FYB1: variants seen among roughly 807,000 people sequenced by gnomAD.
FYB1 encodes the protein FYN binding protein 1, also known as FYN-binding protein 1.
A neutral mutation model predicts 94.1 loss-of-function variants in FYB1; 41 were observed. The ratio of observed to expected loss-of-function variants is 0.44; its 90% CI spans 0.34 to 0.57. The LOEUF is 0.57. Ranked by LOEUF, FYB1 falls within the 20% of genes least tolerant of loss-of-function variation. The pLI, the probability that FYB1 is intolerant of heterozygous loss-of-function variation, is 0.02. For missense variants in FYB1, 1,050 were observed against 976.8 expected, an observed-to-expected ratio of 1.07 and a Z score of -1.00; for synonymous variants, 367 against 353.2, an observed-to-expected ratio of 1.04 and a Z score of -0.44.
chr5:39,232,513 TA>T, intron 1 of FYB1, among the ~76,000 whole-genome samples: 1 of 149,646 alleles, frequency 6.7e-6, no homozygotes, highest in East Asian at 2.0e-4. Flanking sequence ...CATTTTAGCA[TA>T]AACATTTATT....
intron 2 of FYB1, among the ~76,000 whole-genome samples, chr5:39,189,635 G>T (rs991319116): frequency 6.6e-6 from 1 of 152,038 alleles, no homozygotes; most frequent in African/African-American, 2.4e-5. Context: ...GGAAGGATGG[G>T]TCAAAGAAAT....
At chr5:39,255,351 C>T (rs1456240163) in intron 1 of FYB1, among the ~76,000 whole-genome samples, 2 of 151,810 alleles carry the variant, frequency 1.3e-5, no homozygotes, top group Admixed American at 6.6e-5. Flanking sequence ...TTAACACCAA[C>T]GTACTGCCAC....
chr5:39,193,989 G>A (rs1747598390), intron 2 of FYB1, among the ~76,000 whole-genome samples: 1 of 152,166 alleles, frequency 6.6e-6, no homozygotes, highest in African/African-American at 2.4e-5. Flanking sequence ...AAGAACTAGT[G>A]TGACCCCTAT....
intron 16 of FYB1, 62 bp downstream of exon 16, chr5:39,118,812 T>G: frequency 1.8e-6 from 2 of 1,084,990 alleles, no homozygotes; most frequent in Non-Finnish European, 2.5e-6. Flanking sequence ...TAAAACTTGT[T>G]TGGTTGTTAA....
rs1247695141 is a variant in FYB1, at chr5:39,202,876, A to G, written c.85T>C (p.Ser29Pro). The change falls in exon 2 of 19, where the codon TCT (serine) becomes CCT (proline). Residue 29 changes from serine to proline, a missense_variant. Coordinates refer to ENST00000512982, the MANE Select transcript of FYB1 (RefSeq NM_001465.6). ...TTCTTTCTTGCTTGTATTCCTGAAG[A>G]TGAGTTTGGCCCTGTGACTCTGAAG... ...RPFRVTGPNS[S>P]SGIQARKNLF... 1 of 1,613,768 alleles carries G rather than the reference A, an allele frequency of 6.2e-7. No homozygotes were observed. Among genetic ancestry groups the G allele is most frequent in the Non-Finnish European group, 8.5e-7 (1 of 1,179,886 alleles).
At chr5:39,248,751 C>T (rs960390718) in intron 1 of FYB1, among the ~76,000 whole-genome samples, 9 of 152,070 alleles carry the variant, frequency 5.9e-5, no homozygotes, top group Non-Finnish European at 1.2e-4. Flanking sequence ...ACAGGAGAAT[C>T]GCTTGAACCA....
In FYB1 at chr5:39,163,918, A is replaced by G. The variant is rs542931377; in HGVS notation, c.1136-10314T>C. On this transcript the variant is annotated intron_variant, in intron 2 of 18. Coordinates refer to ENST00000512982, the MANE Select transcript of FYB1 (RefSeq NM_001465.6). ...TAACTTCTATAGGAGCAAAGAAAGC[A>G]CTAGAAATCAAGTTTTAGAAACATC... 1.4e-4 allele frequency among the ~76,000 whole-genome samples: 22 copies of G among 152,370 alleles called. No homozygotes were observed. In the South Asian group the frequency reaches 4.1e-3, roughly 29 times the overall value.
At chr5:39,232,980 G>A (rs111303772) in intron 1 of FYB1, among the ~76,000 whole-genome samples, 1,526 of 152,110 alleles carry the variant, frequency 0.01, 20 homozygotes, top group African/African-American at 0.032. Context: ...TTGGACATGT[G>A]GGTTGGTTCC....
intron 1 of FYB1, among the ~76,000 whole-genome samples, chr5:39,218,774 T>C (rs1397369169): frequency 1.3e-5 from 2 of 152,144 alleles, no homozygotes; most frequent in African/African-American, 2.4e-5. Context: ...GAAAAGACCT[T>C]GTGAATTTTT....
chr5:39,206,415 T>C (rs545935964), intron 1 of FYB1, among the ~76,000 whole-genome samples: 2 of 152,360 alleles, frequency 1.3e-5, no homozygotes, highest in African/African-American at 4.8e-5. Flanking sequence ...AGCGTAATGA[T>C]AGAAAAAGCA....
At chr5:39,274,295 A>G (rs1752735582) in intron 1 of FYB1, 1 of 152,210 alleles carries the variant, frequency 6.6e-6, no homozygotes, top group South Asian at 2.1e-4. Context: ...TATAACCCGA[A>G]TGTCTAACAT....
upstream of FYB1, among the ~76,000 whole-genome samples, chr5:39,220,757 G>A (rs79893081): frequency 4.1e-4 from 62 of 152,302 alleles, 1 homozygote; most frequent in East Asian, 4.6e-3. Flanking sequence ...TTTCCTCCCC[G>A]TATGATTTTC....
At chr5:39,116,567 A>C (rs754166504) in intron 16 of FYB1, among the ~76,000 whole-genome samples, 8 of 152,296 alleles carry the variant, frequency 5.3e-5, no homozygotes, top group Non-Finnish European at 8.8e-5. Flanking sequence ...AAATGATATT[A>C]GATTATGCAG....
chr5:39,155,509 T>G (rs1194748498), intron 2 of FYB1, among the ~76,000 whole-genome samples: 1 of 152,220 alleles, frequency 6.6e-6, no homozygotes, highest in Non-Finnish European at 1.5e-5. Context: ...GTTTTTGTCC[T>G]AACTAAAATA....
chr5:39,272,541 G>A (rs550018139), intron 1 of FYB1, among the ~76,000 whole-genome samples: 4 of 151,204 alleles, frequency 2.6e-5, no homozygotes, highest in South Asian at 4.2e-4. Flanking sequence ...GCCTAGTGGC[G>A]GGCGCCTGTA....
In FYB1 at chr5:39,202,626, G is replaced by T; in HGVS notation, c.335C>A (p.Pro112His). 1 of 1,613,870 alleles carries T rather than the reference G, an allele frequency of 6.2e-7. No homozygotes were observed. Among genetic ancestry groups the T allele is most frequent in the Non-Finnish European group, 8.5e-7 (1 of 1,179,880 alleles). ...CAAGTTGATGGGCTTGGGGCCTACA[G>T]GTTTCAGAAATCCCACTTTCGCCTC... Reference protein sequence around the residue: ...DPEAKVGFLKPVGPKPINLPK... With the variant: ...DPEAKVGFLKHVGPKPINLPK... Residue 112 changes from proline (P) to histidine (H), a missense_variant, in exon 2 of 19, where the codon CCT becomes CAT. Pro to His is a moderately conservative substitution (Grantham distance 77, BLOSUM62 -2). Coordinates refer to ENST00000512982, the MANE Select transcript of FYB1 (RefSeq NM_001465.6).
At chr5:39,203,210 G>A (rs61103300) in intron 1 of FYB1, among the ~76,000 whole-genome samples, 1,926 of 152,014 alleles carry the variant, frequency 0.013, 44 homozygotes, top group African/African-American at 0.044. Flanking sequence ...TGCTTATCTC[G>A]GACTGACTTG....
At chr5:39,232,248 A>G (rs1198268187) in intron 1 of FYB1, among the ~76,000 whole-genome samples, 1 of 152,168 alleles carries the variant, frequency 6.6e-6, no homozygotes, top group Non-Finnish European at 1.5e-5. Context: ...TTGTACAAAA[A>G]AGGAACATTT....
At chr5:39,190,807 G>A (rs1169311584) in intron 2 of FYB1, among the ~76,000 whole-genome samples, 10 of 75,766 alleles carry the variant, frequency 1.3e-4, no homozygotes, top group African/African-American at 3.1e-4. Context: ...AGAGATGTTG[G>A]CTTTGTTACA....
Sources: gnomAD v4.1 joint callset for allele counts (sites outside exome capture counted in the v4.1 genomes callset) on GRCh38, gnomAD v4.1.1 for gene constraint, MANE v1.5 for transcripts, NCBI Gene and HGNC (gene_info 2026-07-23, HGNC 2026-07-21) for gene names.